XPO1: variants seen among roughly 807,000 people sequenced by gnomAD.
XPO1 encodes exportin-1.
Under a neutral mutation model 133.3 loss-of-function variants are expected in XPO1, and 5 were observed. The observed-to-expected ratio is 0.04, with a 90% confidence interval of 0.02 to 0.08. The LOEUF (loss-of-function observed/expected upper bound fraction) is 0.08, where lower values mean the gene tolerates loss of function less well. Ranked by LOEUF, XPO1 falls within the 10% of genes least tolerant of loss-of-function variation. The probability of loss-of-function intolerance (pLI) is 1.00; values close to 1 mark genes in which losing one functional copy is unlikely to be tolerated. For synonymous variants in XPO1, 419 were observed against 408.2 expected, an observed-to-expected ratio of 1.03 and a Z score of -0.32; for missense variants, 506 against 1,267.5, an observed-to-expected ratio of 0.40 and a Z score of 9.12.
At chr2:61,502,970 T>C (rs199616837) in intron 4 of XPO1, among the ~76,000 whole-genome samples, 5 of 22,242 alleles carry the variant, frequency 2.2e-4, no homozygotes, top group Non-Finnish European at 2.9e-4. Context: ...CTTTTCTTTT[T>C]TTTTTTTTTT....
chr2:61,529,913 A>G (rs1319803297), intron 2 of XPO1, among the ~76,000 whole-genome samples: 3 of 152,230 alleles, frequency 2.0e-5, no homozygotes, highest in African/African-American at 7.2e-5. Context: ...TGTGGTTACA[A>G]GAGTTAATGT....
Position 61,485,786 on chromosome 2 carries a change from T to A in XPO1, c.2490A>T (p.Thr830=), listed in dbSNP as rs1332739276. 1 of 1,612,890 alleles carries A rather than the reference T, an allele frequency of 6.2e-7. No homozygotes were observed. The highest frequency in any genetic ancestry group is 8.5e-7 in the Non-Finnish European group (1 of 1,179,390). ...TACACACCTTATTTATCATATTCAA[T>A]GTGCATTCAAAAACAGCATCAAATA... The part of the protein sequence containing the change: ...PQIFDAVFEC[T]LNMINKDFEE... Residue 830 remains threonine, a synonymous_variant, in exon 20 of 25, where the codon ACA becomes ACT. Coordinates refer to ENST00000401558, the MANE Select transcript of XPO1 (RefSeq NM_003400.4).
At chr2:61,530,015 C>A (rs972060625) in intron 2 of XPO1, among the ~76,000 whole-genome samples, 1 of 152,006 alleles carries the variant, frequency 6.6e-6, no homozygotes, top group Non-Finnish European at 1.5e-5. Context: ...GACAGAAGGC[C>A]GAAAGAATAA....
intron 20 of XPO1, chr2:61,485,473 A>ACCCCCCCCCCCCCCCCCCC (rs3041947): frequency 9.7e-6 from 1 of 103,552 alleles, no homozygotes; most frequent in Non-Finnish European, 2.0e-5. Flanking sequence ...GGCTCAAGTG[A>ACCCCCCCCCCCCCCCCCCC]CCCCCCCCCC....
Position 61,492,696 on chromosome 2 carries a change from C to T in XPO1, c.1437G>A (p.Lys479=). The change falls in exon 14 of 25, where the codon AAG becomes AAA. Residue 479 remains lysine, a synonymous_variant. Transcript: ENST00000401558. This position sits in a 1 kb window ranked among gnomAD's most constrained non-coding sequence, Gnocchi z 5.6. The part of the protein sequence containing the change: ...YVDTERIMTE[K]LHNQVNGTEW... The stretch of plus-strand genomic sequence containing the variant: ...CTGTACCATTCACTTGATTGTGAAG[C>T]TTCTCTGTCATTATTCTTTCTGTAT... 6.2e-7 allele frequency: 1 copy of T among 1,613,792 alleles called. No individual in the cohort carries two copies. The highest frequency in any genetic ancestry group is 8.5e-7 in the Non-Finnish European group (1 of 1,179,944).
intron 20 of XPO1, 160 bp downstream of exon 20, chr2:61,485,608 A>T (rs1696654865): frequency 4.4e-6 from 3 of 685,634 alleles, no homozygotes; most frequent in Non-Finnish European, 6.8e-6. Context: ...CCTGGGAAGT[A>T]AGTTCTTGAA....
intron 19 of XPO1, among the ~76,000 whole-genome samples, chr2:61,487,289 C>T (rs574470415): frequency 1.3e-5 from 2 of 152,186 alleles, no homozygotes; most frequent in African/African-American, 2.4e-5. Flanking sequence ...GCTCCCGACA[C>T]GTGCTCAAGC....
rs141520251 is a variant in XPO1 at position 61,478,221 on chromosome 2, ATAAC to A, written c.*595_*598del. The A allele has an allele frequency of 0.028, 6,481 of 233,726 alleles. 107 individuals are homozygous for A. Among genetic ancestry groups the A allele is most frequent in the Middle Eastern group, 0.039 (31 of 786 alleles). The allele number at this position is 233,726 out of a possible 1,614,324, so 14.5% of individuals were successfully genotyped here. ...CAAAAACAAAAAGAACTGTGTAAAA[ATAAC>A]TAACTGTGTTCCCATATTTTTGAAG... is the stretch of plus-strand genomic sequence containing the variant. On this transcript the variant is annotated 3_prime_UTR_variant, in exon 25 of 25. Transcript: ENST00000401558.
At chr2:61,481,691 C>T (rs367890761) in intron 23 of XPO1, among the ~76,000 whole-genome samples, 160 of 151,992 alleles carry the variant, frequency 1.1e-3, no homozygotes, top group African/African-American at 3.6e-3. Context: ...GTAATCTGCC[C>T]GCCTAGGCCT....
intron 4 of XPO1, among the ~76,000 whole-genome samples, chr2:61,512,467 A>AGGTGTT (rs1050795860): frequency 1.2e-4 from 19 of 152,348 alleles, no homozygotes; most frequent in African/African-American, 4.1e-4. Flanking sequence ...TGCAAAATTG[A>AGGTGTT]GGTGTTTTCT....
At chr2:61,506,553 C>T (rs935329959) in intron 4 of XPO1, among the ~76,000 whole-genome samples, 4 of 132,930 alleles carry the variant, frequency 3.0e-5, no homozygotes, top group East Asian at 2.4e-4. Context: ...GAGCCAAGAT[C>T]GTGCCACTGC....
chr2:61,492,878 T>A lies in XPO1; in HGVS notation c.1384+37A>T. ...AATGTATTTCCACCCCAGAATAGATTTATAAAGGTAAAGATTAACAGTATT... is the reference window on the plus strand; with the variant it reads ...AATGTATTTCCACCCCAGAATAGATATATAAAGGTAAAGATTAACAGTATT... On this transcript the variant is annotated intron_variant, in intron 13 of 24. Transcript: ENST00000401558. This position sits in a 1 kb window ranked among gnomAD's most constrained non-coding sequence, Gnocchi z 5.6. 2 of 1,573,200 alleles carry A rather than the reference T, an allele frequency of 1.3e-6. No individual in the cohort carries two copies. The highest frequency in any genetic ancestry group is 1.7e-6 in the Non-Finnish European group (2 of 1,161,836).
At chr2:61,497,774 T>A (rs958113863) in intron 9 of XPO1, among the ~76,000 whole-genome samples, 1 of 152,138 alleles carries the variant, frequency 6.6e-6, no homozygotes, top group Non-Finnish European at 1.5e-5. Context: ...AACCTTAAAA[T>A]TAAACATACC....
At chr2:61,528,976 G>C (rs1440476202) in intron 2 of XPO1, among the ~76,000 whole-genome samples, 1 of 151,934 alleles carries the variant, frequency 6.6e-6, no homozygotes, top group East Asian at 1.9e-4. Flanking sequence ...GACCAGGTGT[G>C]GTGGCTCATG....
intron 11 of XPO1, 97 bp from the exon 12 acceptor site, chr2:61,494,188 T>C (rs546053711): frequency 1.1e-5 from 13 of 1,140,830 alleles, no homozygotes; most frequent in African/African-American, 1.6e-5. Flanking sequence ...TAAAAATTCA[T>C]GTTTTATTCA....
rs3041947 is a variant in XPO1 at position 61,485,473 on chromosome 2, AC to A, written c.2508+294del. The A allele has an allele frequency of 5.0e-3, 517 of 103,390 alleles. 9 individuals are homozygous for A. Among genetic ancestry groups the A allele is most frequent in the South Asian group, 7.3e-3 (21 of 2,862 alleles). The allele number at this position is 103,390 out of a possible 1,614,324, so 6.4% of individuals were successfully genotyped here. ...CATCTTGAACTCCCAGGCTCAAGTG[AC>A]CCCCCCCCCCACTTCAGCCTTTCGA... On this transcript the variant is annotated intron_variant, in intron 20 of 24. Coordinates refer to ENST00000401558, the MANE Select transcript of XPO1 (RefSeq NM_003400.4).
At chr2:61,535,197 A>T (rs1699307465) in intron 1 of XPO1, among the ~76,000 whole-genome samples, 1 of 152,322 alleles carries the variant, frequency 6.6e-6, no homozygotes, top group East Asian at 1.9e-4. Context: ...TTTTCTTCAA[A>T]GCCAATGCCA....
chr2:61,529,715 CTTTAT>C (rs1441133642), intron 2 of XPO1, among the ~76,000 whole-genome samples: 2 of 151,844 alleles, frequency 1.3e-5, no homozygotes, highest in Non-Finnish European at 2.9e-5. Flanking sequence ...GGCTTTGATG[CTTTAT>C]TTTAATCATG....
chr2:61,501,972 G>T, intron 6 of XPO1, 24 bp downstream of exon 6: 1 of 1,561,730 alleles, frequency 6.4e-7, no homozygotes, highest in South Asian at 1.2e-5. Context: ...TTCTTCTAAG[G>T]AAAACAGTTA....
Sources: gnomAD v4.1 joint callset for allele counts (sites outside exome capture counted in the v4.1 genomes callset) on GRCh38, gnomAD v4.1.1 for gene constraint, Gnocchi (gnomAD v3.1) non-coding constraint, MANE v1.5 for transcripts, NCBI Gene and HGNC (gene_info 2026-07-23, HGNC 2026-07-21) for gene names.